The following PTPN22 variants were observed in gnomAD, a reference collection of about 807,000 sequenced individuals.
PTPN22 encodes the protein tyrosine-protein phosphatase non-receptor type 22.
Under a neutral mutation model 103.3 loss-of-function variants are expected in PTPN22, and 85 were observed. The observed-to-expected ratio is 0.82, with a 90% CI of 0.69 to 0.99. The LOEUF (loss-of-function observed/expected upper bound fraction) is 0.99, where lower values mean the gene tolerates loss of function less well. Ranked by LOEUF, PTPN22 falls within the 50% of genes least tolerant of loss-of-function variation. The pLI is 0.00. For missense variants in PTPN22, 865 were observed against 936.9 expected (o/e 0.92, Z 1.00); for synonymous variants, 323 against 310.2 (o/e 1.04, Z -0.43).
At chr1:113,841,764 G>A (rs1009687189) in intron 11 of PTPN22, among the ~76,000 whole-genome samples, 17 of 152,016 alleles carry the variant, frequency 1.1e-4, no homozygotes, top group East Asian at 3.9e-4. Flanking sequence ...CACCACACCC[G>A]GCTAATTTTT....
chr1:113,825,074 G>T, intron 19 of PTPN22, 68 bp downstream of exon 19: 2 of 1,105,242 alleles, frequency 1.8e-6, no homozygotes, highest in South Asian at 1.5e-5. Flanking sequence ...TCACAATATT[G>T]GTTGGTTATA....
chr1:113,833,490 A>G (rs1662730895), intron 15 of PTPN22, among the ~76,000 whole-genome samples: 1 of 152,236 alleles, frequency 6.6e-6, no homozygotes, highest in African/African-American at 2.4e-5. Context: ...GGGAGTTGTT[A>G]AAGTAAATAT....
chr1:113,864,643 T>C (rs1190068839), intron 1 of PTPN22, among the ~76,000 whole-genome samples: 3 of 144,290 alleles, frequency 2.1e-5, no homozygotes, highest in South Asian at 2.2e-4. Context: ...AGGCCAGGCA[T>C]GGTGGCTCAC....
intron 13 of PTPN22, among the ~76,000 whole-genome samples, chr1:113,835,550 C>A (rs1662927741): frequency 6.6e-6 from 1 of 152,002 alleles, no homozygotes; most frequent in Non-Finnish European, 1.5e-5. Context: ...TAAATAAAAG[C>A]TCAAAAACAT....
chr1:113,814,209 T>C (rs1312598818), exon 21 of PTPN22: 3 of 152,290 alleles, frequency 2.0e-5, no homozygotes, highest in African/African-American at 7.2e-5. Context: ...TTTATATCTT[T>C]TGCTACCAAA....
At chr1:113,833,241 G>A (rs750024191) in intron 15 of PTPN22, 103 bp from the exon 16 acceptor site, 14 of 791,038 alleles carry the variant, frequency 1.8e-5, no homozygotes, top group Non-Finnish European at 2.7e-5. Flanking sequence ...TAATATAGCT[G>A]TAGAGATAAT....
At position 113,838,746 on chromosome 1, in the gene PTPN22, T is replaced by A; in HGVS notation, c.916-126A>T. 5.8e-6 allele frequency: 8 copies of A among 1,381,252 alleles called. No individual in the cohort carries two copies. In the South Asian group the frequency reaches 1.3e-4, roughly 23 times the overall value. 85.6% of individuals were successfully genotyped at this position (1,381,252 alleles called of 1,614,324 possible). A position where few individuals can be genotyped will look rare whatever the true frequency, so the allele number is the denominator to read the frequency against. The stretch of plus-strand genomic sequence containing the variant: ...AGATTTAAAATAATTCATGAAAGAG[T>A]TAGATTAGCTTCCAAAATATTGAAC... On this transcript the variant is annotated intron_variant, in intron 11 of 20. Transcript: ENST00000359785.
At chr1:113,819,349 A>T (rs979839805) in intron 20 of PTPN22, 7 of 270,184 alleles carry the variant, frequency 2.6e-5, no homozygotes, top group Admixed American at 5.2e-5. Flanking sequence ...CCAACACAAT[A>T]ATTTGGTTAC....
At chr1:113,831,025 ATAAATACT>A (rs1238152123) in intron 16 of PTPN22, among the ~76,000 whole-genome samples, 1 of 152,202 alleles carries the variant, frequency 6.6e-6, no homozygotes, top group Non-Finnish European at 1.5e-5. Context: ...TAGGCATTTA[ATAAATACT>A]TAATAACTAC....
chr1:113,820,976 AATT>A (rs1282142309), intron 19 of PTPN22, among the ~76,000 whole-genome samples: 5 of 150,588 alleles, frequency 3.3e-5, no homozygotes, highest in Non-Finnish European at 4.4e-5. Flanking sequence ...TAGTAAGTAT[AATT>A]ATTATACTTA....
exon 8 of PTPN22, chr1:113,854,952 C>T (rs1354700890): frequency 7.4e-6 from 12 of 1,612,216 alleles, no homozygotes; most frequent in African/African-American, 1.3e-5. Context: ...TTGGTAACAA[C>T]GTACATCCCA....
intron 11 of PTPN22, among the ~76,000 whole-genome samples, chr1:113,845,340 T>G (rs1444847946): frequency 7.9e-5 from 12 of 151,722 alleles, no homozygotes; most frequent in African/African-American, 2.7e-4. Flanking sequence ...GTAACTGGGA[T>G]TACAGGTGCC....
chr1:113,819,932 A>G, intron 19 of PTPN22: 1 of 215,164 alleles, frequency 4.6e-6, no homozygotes, highest in East Asian at 9.5e-5. Context: ...GATCCAATAT[A>G]TCATGAATCA....
intron 16 of PTPN22, among the ~76,000 whole-genome samples, chr1:113,831,612 C>G (rs1295093500): frequency 6.6e-6 from 1 of 152,148 alleles, no homozygotes; most frequent in Non-Finnish European, 1.5e-5. Context: ...ACATCATGCT[C>G]ATTTCTACCT....
exon 21 of PTPN22, chr1:113,814,496 GT>G (rs908415118): frequency 2.8e-4 from 45 of 158,342 alleles, no homozygotes; most frequent in South Asian, 6.9e-4. Flanking sequence ...CACAAAGTAA[GT>G]TTTTTTTTTA....
chr1:113,825,173 C>A lies in PTPN22; in HGVS notation c.2251-1G>T. On this transcript the variant is annotated splice_acceptor_variant, in intron 18 of 20. Transcript: ENST00000359785. LOFTEE classifies it high-confidence loss of function. ...TCATGTTTCGCAAAATTTTCAAACT[C>A]TACAAAAGAAAGGAAAAATGTTAGT... is the stretch of plus-strand genomic sequence containing the variant. The A allele has an allele frequency of 6.7e-7, 1 of 1,484,054 alleles. No individual in the cohort carries two copies. The highest frequency in any genetic ancestry group is 1.3e-5 in the South Asian group (1 of 79,972). The allele number at this position is 1,484,054 out of a possible 1,614,324, so 91.9% of individuals were successfully genotyped here. A position where few individuals can be genotyped will look rare whatever the true frequency, so the allele number is the denominator to read the frequency against.
intron 5 of PTPN22, 199 bp from the exon 6 acceptor site, chr1:113,856,818 C>T: frequency 1.7e-6 from 1 of 592,634 alleles, no homozygotes; most frequent in Non-Finnish European, 2.8e-6. Context: ...TTACAGACTT[C>T]CTGGGAGTCT....
chr1:113,828,532 T>TA (rs1454499752), intron 18 of PTPN22, among the ~76,000 whole-genome samples: 2 of 152,224 alleles, frequency 1.3e-5, no homozygotes, highest in East Asian at 1.9e-4. Flanking sequence ...GATTTTGAGA[T>TA]ACCACCTTCA....
intron 1 of PTPN22, among the ~76,000 whole-genome samples, chr1:113,868,966 A>G (rs1335457001): frequency 1.3e-5 from 2 of 152,028 alleles, no homozygotes; most frequent in Admixed American, 1.3e-4. Flanking sequence ...GCTCATGCCT[A>G]TAATCCTAGT....
Sources: allele counts gnomAD v4.1 joint callset (sites outside exome capture counted in the v4.1 genomes callset), GRCh38; gene constraint gnomAD v4.1.1; transcripts MANE v1.5; gene names NCBI Gene and HGNC (gene_info 2026-07-23, HGNC 2026-07-21).